The following TMEM132D variants were observed in gnomAD, a reference collection of about 807,000 sequenced individuals.
TMEM132D encodes mature OL transmembrane protein.
In TMEM132D, 21 loss-of-function variants were observed where a neutral mutation model predicts 62.3. The ratio of observed to expected loss-of-function variants is 0.34; its 90% confidence interval spans 0.24 to 0.49. The LOEUF (loss-of-function observed/expected upper bound fraction) is 0.49. TMEM132D is among the 20% of genes least tolerant of loss of function. The pLI, the probability that TMEM132D is intolerant of heterozygous loss-of-function variation, is 0.99. For missense variants in TMEM132D, 1,346 were observed against 1,402.8 expected (o/e 0.96, Z 0.65); for synonymous variants, 621 against 575.6 (o/e 1.08, Z -1.13).
At chr12:129,442,534 T>C (rs1566069889) in intron 3 of TMEM132D, among the ~76,000 whole-genome samples, 1 of 152,052 alleles carries the variant, frequency 6.6e-6, no homozygotes, top group Non-Finnish European at 1.5e-5. Flanking sequence ...GGTTAGTGAG[T>C]GGTAGAGTCT....
intron 1 of TMEM132D, among the ~76,000 whole-genome samples, chr12:129,781,914 G>A (rs1413948000): frequency 6.6e-6 from 1 of 152,312 alleles, no homozygotes; most frequent in African/African-American, 2.4e-5. Context: ...ACTGGAGACA[G>A]GAGACCTTGA....
At chr12:129,814,273 T>C (rs1376693230) in intron 1 of TMEM132D, among the ~76,000 whole-genome samples, 2 of 152,120 alleles carry the variant, frequency 1.3e-5, no homozygotes, top group African/African-American at 2.4e-5. Flanking sequence ...CACTTAAAAA[T>C]AGTAAAGACA....
At chr12:129,307,898 A>G (rs901245854) in intron 4 of TMEM132D, among the ~76,000 whole-genome samples, 2 of 152,166 alleles carry the variant, frequency 1.3e-5, no homozygotes, top group Non-Finnish European at 2.9e-5. Flanking sequence ...TTCTCTTGAT[A>G]TCCCCCACAT....
chr12:129,492,486 C>G (rs755332188), intron 3 of TMEM132D, among the ~76,000 whole-genome samples: 1 of 152,164 alleles, frequency 6.6e-6, no homozygotes, highest in Non-Finnish European at 1.5e-5. Flanking sequence ...ACAATTGGTG[C>G]ACAAAATATA....
intron 5 of TMEM132D, among the ~76,000 whole-genome samples, chr12:129,204,123 A>G (rs901983596): frequency 1.3e-5 from 2 of 152,240 alleles, no homozygotes; most frequent in Non-Finnish European, 1.5e-5. Context: ...AAAAAGCTAG[A>G]GTGCCTTTTT....
At chr12:129,478,776 G>A (rs183459004) in intron 3 of TMEM132D, among the ~76,000 whole-genome samples, 1 of 152,136 alleles carries the variant, frequency 6.6e-6, no homozygotes, top group Non-Finnish European at 1.5e-5. Flanking sequence ...AGAGGGTTCT[G>A]CAGGATGCTG....
At chr12:129,131,524 T>C (rs1361823178) in intron 5 of TMEM132D, among the ~76,000 whole-genome samples, 2 of 152,054 alleles carry the variant, frequency 1.3e-5, no homozygotes, top group African/African-American at 4.8e-5. Context: ...GGAGAATCGC[T>C]TGAACGCAGG....
At chr12:129,547,268 T>C (rs1411605721) in intron 2 of TMEM132D, among the ~76,000 whole-genome samples, 1 of 152,140 alleles carries the variant, frequency 6.6e-6, no homozygotes, top group African/African-American at 2.4e-5. Context: ...AGACAGGGTC[T>C]CACTCTGTTG....
intron 1 of TMEM132D, among the ~76,000 whole-genome samples, chr12:129,713,405 GTT>G (rs34930874): frequency 6.8e-6 from 1 of 147,166 alleles, no homozygotes; most frequent in Admixed American, 6.8e-5. Context: ...GTTTTTTGTT[GTT>G]TTTTTTTTTA....
Position 129,903,595 on chromosome 12 carries a change from C to G in TMEM132D, c.-256G>C, listed in dbSNP as rs1875447224. ...GCAAACCCCACCTCCCTCCTTCGAC[C>G]CCAACAGAATTTTTTTTAAATTTTA... On this transcript the variant is annotated 5_prime_UTR_variant, in exon 1 of 9. Coordinates refer to ENST00000422113, the MANE Select transcript of TMEM132D (RefSeq NM_133448.3). The surrounding 1 kb of genome is among the most constrained non-coding windows in gnomAD (Gnocchi z 6.2). The G allele has an allele frequency of 7.6e-6, 4 of 525,564 alleles. No individual in the cohort carries two copies. In the East Asian group the frequency reaches 1.3e-4, roughly 16 times the overall value. The allele number at this position is 525,564 out of a possible 1,614,324, so 32.6% of individuals were successfully genotyped here.
Position 129,609,646 on chromosome 12 carries a change from G to A in TMEM132D, c.969-78441C>T, listed in dbSNP as rs531191349. ...TGTTTAAGCCAAGGTTCAGCACTAC[G>A]TTGTTCATGCTCTGGTCCAGACACT... On this transcript the variant is annotated intron_variant, in intron 2 of 8. Transcript: ENST00000422113. Among the ~76,000 whole-genome samples the A allele has an allele frequency of 4.6e-5, 7 of 152,236 alleles. No homozygotes were observed. The South Asian group carries it at 6.2e-4, about 14-fold the overall frequency.
At chr12:129,841,018 A>G (rs1873174770) in intron 1 of TMEM132D, among the ~76,000 whole-genome samples, 1 of 152,230 alleles carries the variant, frequency 6.6e-6, no homozygotes, top group Non-Finnish European at 1.5e-5. Flanking sequence ...TCTCTGGCAG[A>G]GTATAGATTA....
chr12:129,155,747 C>G (rs7342394), intron 5 of TMEM132D, among the ~76,000 whole-genome samples: 92,667 of 151,978 alleles, frequency 0.61, 28,826 homozygotes, highest in Non-Finnish European at 0.67. Context: ...CCCATTATAA[C>G]CAACCCACTC....
chr12:129,214,714 A>G (rs145629795), intron 4 of TMEM132D, among the ~76,000 whole-genome samples: 10 of 152,358 alleles, frequency 6.6e-5, no homozygotes, highest in African/African-American at 2.4e-4. Context: ...AAAGCTCAAC[A>G]TCATTGATCA....
At chr12:129,604,667 C>G (rs569039248) in intron 2 of TMEM132D, among the ~76,000 whole-genome samples, 1 of 152,140 alleles carries the variant, frequency 6.6e-6, no homozygotes, top group African/African-American at 2.4e-5. Context: ...TGTAATGCAC[C>G]TAACCAATTG....
intron 5 of TMEM132D, among the ~76,000 whole-genome samples, chr12:129,102,601 C>G (rs1457091418): frequency 6.6e-6 from 1 of 152,096 alleles, no homozygotes; most frequent in Non-Finnish European, 1.5e-5. Context: ...AACTGGAAAC[C>G]TCAAAAAAAT....
chr12:129,762,365 C>G, intron 1 of TMEM132D, among the ~76,000 whole-genome samples: 1 of 151,960 alleles, frequency 6.6e-6, no homozygotes, highest in East Asian at 1.9e-4. Context: ...TAAAAAAAAT[C>G]AACTGATACT....
chr12:129,709,838 C>T (rs1010949872), intron 1 of TMEM132D, among the ~76,000 whole-genome samples: 1 of 152,134 alleles, frequency 6.6e-6, no homozygotes, highest in Non-Finnish European at 1.5e-5. Flanking sequence ...ATCTCAGATC[C>T]TATTAATTTT....
intron 3 of TMEM132D, among the ~76,000 whole-genome samples, chr12:129,527,947 G>A (rs1413657486): frequency 6.6e-6 from 1 of 152,192 alleles, no homozygotes; most frequent in Non-Finnish European, 1.5e-5. Context: ...TAGCACAAAA[G>A]TGTCTCCTTA....
Sources: gnomAD v4.1 joint callset for allele counts (sites outside exome capture counted in the v4.1 genomes callset) on GRCh38, gnomAD v4.1.1 for gene constraint, Gnocchi (gnomAD v3.1) non-coding constraint, MANE v1.5 for transcripts, NCBI Gene and HGNC (gene_info 2026-07-23, HGNC 2026-07-21) for gene names.